The following ADGRB3 variants were observed in gnomAD, a reference collection of about 807,000 sequenced individuals.
ADGRB3 encodes adhesion G protein-coupled receptor B3.
ADGRB3 carries 37 observed loss-of-function variants against 193.4 expected under a neutral mutation model. That is an observed-to-expected ratio of 0.19 (90% confidence interval 0.15 to 0.25). ADGRB3 has a LOEUF of 0.25. Among genes scored for constraint, ADGRB3 ranks in the 10% least tolerant of loss-of-function variants. The pLI is 1.00. For synonymous variants in ADGRB3, 690 were observed against 644.2 expected (o/e 1.07, Z -1.08); for missense variants, 1,637 against 1,852.9 (o/e 0.88, Z 2.14).
chr6:69,004,815 T>G (rs2150280842), intron 11 of ADGRB3, among the ~76,000 whole-genome samples: 1 of 152,202 alleles, frequency 6.6e-6, no homozygotes, highest in Non-Finnish European at 1.5e-5. Context: ...TGGGGGGTGC[T>G]GAGATATAGT....
chr6:69,384,088 C>T (rs992823045), intron 31 of ADGRB3, among the ~76,000 whole-genome samples: 2 of 151,876 alleles, frequency 1.3e-5, no homozygotes, highest in South Asian at 4.1e-4. Context: ...CCTCTCAGTA[C>T]TAGTACAATT....
intron 3 of ADGRB3, among the ~76,000 whole-genome samples, chr6:68,787,466 G>T (rs547031462): frequency 6.6e-6 from 1 of 152,240 alleles, no homozygotes; most frequent in East Asian, 1.9e-4. Context: ...TTATTGATTT[G>T]CGTATTTTGA....
chr6:69,270,733 C>T (rs1767156052), intron 20 of ADGRB3, among the ~76,000 whole-genome samples: 1 of 152,184 alleles, frequency 6.6e-6, no homozygotes, highest in Non-Finnish European at 1.5e-5. Flanking sequence ...TAATTCTACT[C>T]ACTACCCTGC....
In ADGRB3 at chr6:68,745,745, A is replaced by G. The variant is rs996464241; in HGVS notation, c.757+106313A>G. ...ATTTAGAAATGAATTTAGAATGTACATATATGTGTATATATCCCCCCACAC... is the reference window on the plus strand; with the variant it reads ...ATTTAGAAATGAATTTAGAATGTACGTATATGTGTATATATCCCCCCACAC... On this transcript the variant is annotated intron_variant, in intron 3 of 31. Transcript: ENST00000370598. Among the ~76,000 whole-genome samples, 3 of 152,074 alleles carry G rather than the reference A, an allele frequency of 2.0e-5. No homozygotes were observed. The East Asian group carries it at 5.8e-4, about 29-fold the overall frequency.
intron 17 of ADGRB3, among the ~76,000 whole-genome samples, chr6:69,105,862 C>T (rs1041236887): frequency 1.3e-5 from 2 of 152,076 alleles, no homozygotes; most frequent in South Asian, 2.1e-4. Flanking sequence ...GAATAACATG[C>T]GGTGGCTCAT....
chr6:68,786,660 C>A (rs914590505), intron 3 of ADGRB3, among the ~76,000 whole-genome samples: 4 of 151,624 alleles, frequency 2.6e-5, no homozygotes, highest in Non-Finnish European at 5.9e-5. Context: ...TCCATATGAA[C>A]TTTAAAGTAG....
At chr6:69,209,333 G>T (rs1311244979) in intron 17 of ADGRB3, among the ~76,000 whole-genome samples, 3 of 152,158 alleles carry the variant, frequency 2.0e-5, no homozygotes, top group South Asian at 4.1e-4. Flanking sequence ...TGTGGGAGGG[G>T]CCAAATGCAG....
At chr6:69,129,419 G>A (rs568428456) in intron 17 of ADGRB3, among the ~76,000 whole-genome samples, 2 of 152,038 alleles carry the variant, frequency 1.3e-5, no homozygotes, top group East Asian at 1.9e-4. Context: ...TTAAGATGAA[G>A]AACAAAATAA....
At chr6:69,029,686 T>G (rs1036430424) in intron 13 of ADGRB3, among the ~76,000 whole-genome samples, 1 of 152,134 alleles carries the variant, frequency 6.6e-6, no homozygotes, top group Non-Finnish European at 1.5e-5. Flanking sequence ...ATAACAGAGA[T>G]AGTGATGGTG....
chr6:69,218,984 C>T (rs1765831795), intron 17 of ADGRB3, among the ~76,000 whole-genome samples: 1 of 152,094 alleles, frequency 6.6e-6, no homozygotes, highest in Non-Finnish European at 1.5e-5. Flanking sequence ...AGTTACTGTA[C>T]TTCCCTTCCT....
intron 3 of ADGRB3, among the ~76,000 whole-genome samples, chr6:68,845,616 C>T (rs997384136): frequency 2.0e-5 from 3 of 152,114 alleles, no homozygotes; most frequent in Non-Finnish European, 2.9e-5. Flanking sequence ...GAATAAGTGT[C>T]ACGAGATCTG....
chr6:69,161,364 T>C (rs1450281403), intron 17 of ADGRB3, among the ~76,000 whole-genome samples: 1 of 152,048 alleles, frequency 6.6e-6, no homozygotes, highest in Non-Finnish European at 1.5e-5. Flanking sequence ...AACAAAGATT[T>C]ATCAAAAAAG....
intron 29 of ADGRB3, among the ~76,000 whole-genome samples, chr6:69,370,609 T>A (rs978097384): frequency 4.6e-5 from 7 of 152,274 alleles, no homozygotes; most frequent in South Asian, 2.1e-4. Flanking sequence ...ACATACCTGC[T>A]CTCAGAAACA....
intron 3 of ADGRB3, among the ~76,000 whole-genome samples, chr6:68,644,281 C>A (rs989977039): frequency 6.6e-6 from 1 of 152,040 alleles, no homozygotes; most frequent in Non-Finnish European, 1.5e-5. Context: ...AGTTCCTGAT[C>A]TCCAAGGTGT....
intron 7 of ADGRB3, 124 bp downstream of exon 7, chr6:68,956,312 T>C: frequency 1.0e-6 from 1 of 986,590 alleles, no homozygotes; most frequent in Non-Finnish European, 1.4e-6. Flanking sequence ...TGTGTGTGTG[T>C]GTGTGTGTGT....
chr6:68,952,275 TTAAAAA>T (rs1410060448), intron 6 of ADGRB3, among the ~76,000 whole-genome samples: 1 of 151,998 alleles, frequency 6.6e-6, no homozygotes, highest in Admixed American at 6.6e-5. Flanking sequence ...AAAGAAAAAC[TTAAAAA>T]TAAAACAATG....
intron 3 of ADGRB3, among the ~76,000 whole-genome samples, chr6:68,674,808 A>C (rs1769048024): frequency 6.6e-6 from 1 of 152,248 alleles, no homozygotes. Flanking sequence ...AGAGTGCCAC[A>C]GCAGTTAAGT....
In ADGRB3 at chr6:68,777,668, TAA is replaced by T. The variant is rs561834409; in HGVS notation, c.757+138255_757+138256del. Among the ~76,000 whole-genome samples the T allele has an allele frequency of 9.2e-3, 718 of 78,024 alleles. 8 individuals carry two copies. The highest frequency in any genetic ancestry group is 0.027 in the African/African-American group (657 of 24,534). The allele number at this position is 78,024 out of a possible 152,430, so 51.2% of individuals were successfully genotyped here. ...GCAATCAATTGATCTCTCTGGGATC[TAA>T]AAAAAAAAAAAAAAAAAACGACTAC... On this transcript the variant is annotated intron_variant, in intron 3 of 31. Coordinates refer to ENST00000370598, the MANE Select transcript of ADGRB3 (RefSeq NM_001704.3).
intron 3 of ADGRB3, among the ~76,000 whole-genome samples, chr6:68,650,809 A>G (rs1188980696): frequency 6.6e-6 from 1 of 152,098 alleles, no homozygotes; most frequent in African/African-American, 2.4e-5. Flanking sequence ...GTTGCTTTTC[A>G]CATCAAGAAA....
Sources: gnomAD v4.1 joint callset for allele counts (sites outside exome capture counted in the v4.1 genomes callset) on GRCh38, gnomAD v4.1.1 for gene constraint, MANE v1.5 for transcripts, NCBI Gene and HGNC (gene_info 2026-07-23, HGNC 2026-07-21) for gene names.